Variants in SMIM35 observed in about 807,000 individuals in gnomAD.
SMIM35 encodes the protein small integral membrane protein 35, also known as TMPRSS4 antisense RNA 1 (non-protein coding).
At chr11:118,053,814 T>C (rs1445163917) in intron 1 of SMIM35, among the ~76,000 whole-genome samples, 1 of 152,204 alleles carries the variant, frequency 6.6e-6, no homozygotes, top group African/African-American at 2.4e-5. Context: ...CTGACAGTGA[T>C]GTGGTCTCCA....
intron 1 of SMIM35, among the ~76,000 whole-genome samples, chr11:118,067,872 TATATATATATATATATATA>T (rs1375114358): frequency 1.8e-5 from 1 of 54,388 alleles, no homozygotes; most frequent in East Asian, 4.2e-4. Context: ...TATATATATA[TATATATATATATATATATA>T]TATATATATA....
intron 1 of SMIM35, among the ~76,000 whole-genome samples, chr11:118,054,164 G>T (rs7120086): frequency 0.19 from 19,504 of 104,986 alleles, 1,515 homozygotes; most frequent in Non-Finnish European, 0.26. Context: ...GGATTTTTTT[G>T]TTTTGTTTTT....
intron 4 of SMIM35, among the ~76,000 whole-genome samples, chr11:118,012,604 T>C (rs1275401859): frequency 6.6e-6 from 1 of 152,210 alleles, no homozygotes; most frequent in African/African-American, 2.4e-5. Flanking sequence ...TAGACTGTTC[T>C]CAGCACTGCA....
chr11:118,053,925 C>A (rs1006008961), intron 1 of SMIM35, among the ~76,000 whole-genome samples: 4 of 152,214 alleles, frequency 2.6e-5, no homozygotes, highest in African/African-American at 9.7e-5. Context: ...AGATTGTAAT[C>A]TCTAAAGTCT....
At chr11:118,011,386 G>A (rs774614815) in intron 4 of SMIM35, among the ~76,000 whole-genome samples, 3 of 152,160 alleles carry the variant, frequency 2.0e-5, no homozygotes, top group Non-Finnish European at 4.4e-5. Context: ...GGCAGGGTGC[G>A]GGTACAGAGT....
intron 1 of SMIM35, among the ~76,000 whole-genome samples, chr11:118,069,415 A>G (rs925217410): frequency 6.6e-6 from 1 of 151,768 alleles, no homozygotes; most frequent in Admixed American, 6.6e-5. Flanking sequence ...CCCCCACACT[A>G]CTGCCAGAAT....
chr11:118,065,093 C>G (rs1944451253), intron 1 of SMIM35, among the ~76,000 whole-genome samples: 1 of 152,230 alleles, frequency 6.6e-6, no homozygotes, highest in African/African-American at 2.4e-5. Flanking sequence ...AAGCGTGGCC[C>G]TGTAGAGCCC....
In SMIM35 at chr11:118,049,339, ATTTTTTTTTTTTT is replaced by A. The variant is rs398017739; in HGVS notation, c.8-33543_8-33531del. On this transcript the variant is annotated intron_variant, in intron 1 of 4. Transcript: ENST00000689828. ...TTCTCGCATGTTTGTTCCACCCTTA[ATTTTTTTTTTTTT>A]TTTTTTTTTTTTTTGAGACAGAGCC... Among the ~76,000 whole-genome samples the A allele has an allele frequency of 5.9e-3, 495 of 84,030 alleles. 7 individuals carry two copies. Among genetic ancestry groups the A allele is most frequent in the Non-Finnish European group, 6.1e-3 (269 of 43,874 alleles). 55.1% of individuals were successfully genotyped at this position (84,030 alleles called of 152,430 possible). A position where few individuals can be genotyped will look rare whatever the true frequency, so the allele number is the denominator to read the frequency against.
rs148383275 is a variant in SMIM35, at chr11:118,078,013, CAAAAAAAAAAAAAAAA to C, written c.7+8722_7+8737del. Among the ~76,000 whole-genome samples, 8 of 71,038 alleles carry C rather than the reference CAAAAAAAAAAAAAAAA, an allele frequency of 1.1e-4. No homozygotes were observed. In the South Asian group the frequency reaches 3.3e-3, roughly 29 times the overall value. 46.6% of individuals were successfully genotyped at this position (71,038 alleles called of 152,430 possible). On this transcript the variant is annotated intron_variant, in intron 1 of 4. Transcript: ENST00000689828. ...GGGCAACAAGAGTGAAACTCCGTCT[CAAAAAAAAAAAAAAAA>C]AAAAAAAAAAAAAAAGAAAGAAGGA...
intron 2 of SMIM35, among the ~76,000 whole-genome samples, chr11:118,014,955 CA>C (rs1194906984): frequency 5.3e-5 from 8 of 152,170 alleles, no homozygotes; most frequent in African/African-American, 1.9e-4. Context: ...GCCTGGAGCC[CA>C]AAAGAACCAG....
chr11:118,028,190 G>A (rs1049385084), intron 1 of SMIM35, among the ~76,000 whole-genome samples: 1 of 152,192 alleles, frequency 6.6e-6, no homozygotes, highest in Non-Finnish European at 1.5e-5. Context: ...GAGCAGTAGG[G>A]AGTCAGTGTA....
At chr11:118,074,159 G>A (rs1345768350) in intron 1 of SMIM35, among the ~76,000 whole-genome samples, 5 of 152,194 alleles carry the variant, frequency 3.3e-5, no homozygotes, top group Admixed American at 1.3e-4. Context: ...ACATATTGCC[G>A]GGCCCTTTCC....
intron 1 of SMIM35, among the ~76,000 whole-genome samples, chr11:118,032,836 A>T (rs2058330040): frequency 6.6e-6 from 1 of 152,176 alleles, no homozygotes; most frequent in Non-Finnish European, 1.5e-5. Flanking sequence ...TGAACTCAGG[A>T]GGTGGAGGTT....
At chr11:118,012,770 G>A (rs1359543039) in intron 4 of SMIM35, among the ~76,000 whole-genome samples, 3 of 152,210 alleles carry the variant, frequency 2.0e-5, no homozygotes. Flanking sequence ...TCAGTCTTCA[G>A]GGAAGTTGGC....
At chr11:118,050,987 T>C (rs1050430399) in intron 1 of SMIM35, among the ~76,000 whole-genome samples, 4 of 152,218 alleles carry the variant, frequency 2.6e-5, no homozygotes, top group Non-Finnish European at 5.9e-5. Context: ...CATTCCCCTA[T>C]TTCTGATTCT....
intron 1 of SMIM35, chr11:118,025,636 G>A (rs1174091659): frequency 6.7e-6 from 3 of 446,994 alleles, no homozygotes; most frequent in East Asian, 7.0e-5. Flanking sequence ...TTTTAATGGG[G>A]TTATTTGGTC....
chr11:118,086,816 C>T lies in SMIM35; in HGVS notation c.-59G>A, dbSNP rs147344612. ...CAGCGCAGCAAAGGCATCAAACTGCCTATTCCAGCTGCAAGTGGAGAGGAC... is the reference window on the plus strand; with the variant it reads ...CAGCGCAGCAAAGGCATCAAACTGCTTATTCCAGCTGCAAGTGGAGAGGAC... On this transcript the variant is annotated 5_prime_UTR_variant, in exon 1 of 5. Coordinates refer to ENST00000689828, the MANE Select transcript of SMIM35 (RefSeq NM_001394165.1). 1.3e-5 allele frequency: 2 copies of T among 152,804 alleles called. No homozygotes were observed. The highest frequency in any genetic ancestry group is 4.8e-5 in the African/African-American group (2 of 41,456). The allele number at this position is 152,804 out of a possible 1,614,324, so 9.5% of individuals were successfully genotyped here.
In SMIM35 at chr11:118,036,257, C is replaced by A. The variant is rs544556421; in HGVS notation, c.8-20448G>T. On this transcript the variant is annotated intron_variant, in intron 1 of 4. Transcript: ENST00000689828. ...ACTGACCCTTACAGATCTAGATATA[C>A]CCTTACCAGAGAGAGAACTCTGATG... Among the ~76,000 whole-genome samples, 960 of 152,298 alleles carry A rather than the reference C, an allele frequency of 6.3e-3. 3 individuals are homozygous for A. Among genetic ancestry groups the A allele is most frequent in the Non-Finnish European group, 0.01 (701 of 68,028 alleles).
chr11:118,025,684 A>C (rs1262935127), intron 1 of SMIM35: 5 of 448,962 alleles, frequency 1.1e-5, no homozygotes, highest in African/African-American at 6.0e-5. Flanking sequence ...TATAGATTCT[A>C]GATATTAGAC....
Sources: allele counts gnomAD v4.1 joint callset (sites outside exome capture counted in the v4.1 genomes callset), GRCh38; gene constraint gnomAD v4.1.1; transcripts MANE v1.5; gene names NCBI Gene and HGNC (gene_info 2026-07-23, HGNC 2026-07-21).